The following CNTN4 variants were observed in gnomAD, a reference collection of about 807,000 sequenced individuals.
The protein encoded by CNTN4 is contactin 4.
Under a neutral mutation model 122.5 loss-of-function variants are expected in CNTN4, and 77 were observed. The ratio of observed to expected loss-of-function variants is 0.63; its 90% CI spans 0.52 to 0.76. CNTN4 has a LOEUF of 0.76. Among genes scored for constraint, CNTN4 ranks in the 30% least tolerant of loss-of-function variants. The probability of loss-of-function intolerance (pLI) is 0.00; values close to 1 mark genes in which losing one functional copy is unlikely to be tolerated. For missense variants in CNTN4, 1,256 were observed against 1,259.1 expected (o/e 1.00, Z 0.04); for synonymous variants, 512 against 447.0 (o/e 1.15, Z -1.83).
At chr3:2,226,612 C>CT (rs2039292968) in intron 2 of CNTN4, among the ~76,000 whole-genome samples, 2 of 152,048 alleles carry the variant, frequency 1.3e-5, no homozygotes, top group South Asian at 4.1e-4. Flanking sequence ...GCAAACAACC[C>CT]TTAGATTTCC....
At position 2,353,761 on chromosome 3, in the gene CNTN4, T is replaced by C. The variant is rs535089789; in HGVS notation, c.-89+14528T>C. ...ACACAAAAACAAAATTAGCCGGGTGTGGTGGCGGGCGCCTGTGGTCCCAGC... is the reference window on the plus strand; with the variant it reads ...ACACAAAAACAAAATTAGCCGGGTGCGGTGGCGGGCGCCTGTGGTCCCAGC... On this transcript the variant is annotated intron_variant, in intron 3 of 24. Transcript: ENST00000418658. Among the ~76,000 whole-genome samples, 70 of 152,230 alleles carry C rather than the reference T, an allele frequency of 4.6e-4. 1 individual carries two copies. Among genetic ancestry groups the C allele is most frequent in the Non-Finnish European group, 8.4e-4 (57 of 67,988 alleles).
At chr3:2,467,846 C>T (rs1278907693) in intron 3 of CNTN4, among the ~76,000 whole-genome samples, 1 of 152,128 alleles carries the variant, frequency 6.6e-6, no homozygotes, top group Non-Finnish European at 1.5e-5. Context: ...CCTGCTAATG[C>T]GAATTCCACC....
intron 17 of CNTN4, 98 bp downstream of exon 17, chr3:3,034,888 T>C: frequency 8.2e-7 from 1 of 1,222,344 alleles, no homozygotes; most frequent in Non-Finnish European, 1.2e-6. Context: ...CAGACACTAC[T>C]ACAAATGATA....
rs1185851358 is a variant in CNTN4, at chr3:2,120,374, A to AATATATATAT, written c.-145+19758_-145+19767dup. On this transcript the variant is annotated intron_variant, in intron 2 of 24. Transcript: ENST00000418658. ...GGTTATATATATATATATATATATAAATATATATATATATATATATATATA... is the reference window on the plus strand; with the variant it reads ...GGTTATATATATATATATATATATAAATATATATATATATATATATATATATATATATATA... 6.6e-4 allele frequency among the ~76,000 whole-genome samples: 39 copies of AATATATATAT among 59,052 alleles called. 1 individual carries two copies. Among genetic ancestry groups the AATATATATAT allele is most frequent in the East Asian group, 8.5e-4 (2 of 2,356 alleles). The allele number at this position is 59,052 out of a possible 152,430, so 38.7% of individuals were successfully genotyped here. A position where few individuals can be genotyped will look rare whatever the true frequency, so the allele number is the denominator to read the frequency against.
intron 7 of CNTN4, among the ~76,000 whole-genome samples, chr3:2,848,431 T>C (rs1337147601): frequency 6.6e-6 from 1 of 152,204 alleles, no homozygotes; most frequent in African/African-American, 2.4e-5. Context: ...TGAAAACACA[T>C]TTCCAGAAGT....
intron 6 of CNTN4, among the ~76,000 whole-genome samples, chr3:2,778,357 A>G (rs185586468): frequency 2.9e-5 from 1 of 35,028 alleles, no homozygotes; most frequent in Non-Finnish European, 1.2e-4. Context: ...AAATTACAGA[A>G]TAGTATTCCT....
rs529853870 is a variant in CNTN4 at position 2,447,796 on chromosome 3, G to T, written c.-89+108563G>T. On this transcript the variant is annotated intron_variant, in intron 3 of 24. Transcript: ENST00000418658. The stretch of plus-strand genomic sequence containing the variant: ...AGTGAATTAATTGAGTACTTCTTAT[G>T]TGTTGGGTTCTGTTAATAAGTACTT... Among the ~76,000 whole-genome samples the T allele has an allele frequency of 3.1e-4, 47 of 152,162 alleles. No individual in the cohort carries two copies. The South Asian group carries it at 9.7e-3, about 32-fold the overall frequency.
intron 10 of CNTN4, among the ~76,000 whole-genome samples, chr3:2,898,961 T>C (rs1391062672): frequency 1.3e-5 from 2 of 152,220 alleles, no homozygotes; most frequent in African/African-American, 4.8e-5. Context: ...GACTTGCAGC[T>C]CTTTTAAGGG....
At chr3:2,159,202 G>C (rs1183206400) in intron 2 of CNTN4, among the ~76,000 whole-genome samples, 1 of 152,108 alleles carries the variant, frequency 6.6e-6, no homozygotes, top group Non-Finnish European at 1.5e-5. Flanking sequence ...CTTTTGACCA[G>C]AATATTTTCA....
chr3:2,728,305 C>A (rs980339055), intron 4 of CNTN4, among the ~76,000 whole-genome samples: 1 of 152,102 alleles, frequency 6.6e-6, no homozygotes, highest in African/African-American at 2.4e-5. Context: ...AGTTTTTTAG[C>A]CAAAATGCAT....
At chr3:2,804,737 C>CTTTATTTTTTTTTTTTTTT (rs1553643947) in intron 6 of CNTN4, among the ~76,000 whole-genome samples, 3 of 144,878 alleles carry the variant, frequency 2.1e-5, no homozygotes, top group Non-Finnish European at 4.5e-5. Context: ...ATTTTGAGCA[C>CTTTATTTTTTTTTTTTTTT]TTTTTTTTTG....
intron 4 of CNTN4, among the ~76,000 whole-genome samples, chr3:2,656,240 C>T (rs1187674643): frequency 6.6e-6 from 1 of 152,038 alleles, no homozygotes; most frequent in Admixed American, 6.6e-5. Flanking sequence ...ATAATATTTC[C>T]AAGAGAGAAA....
intron 4 of CNTN4, among the ~76,000 whole-genome samples, chr3:2,603,066 T>C (rs1222666275): frequency 6.6e-6 from 1 of 152,176 alleles, no homozygotes; most frequent in East Asian, 1.9e-4. Context: ...AGATATATTT[T>C]GAAATTGTTG....
At chr3:2,923,933 TTA>T (rs2094450852) in intron 12 of CNTN4, among the ~76,000 whole-genome samples, 1 of 152,174 alleles carries the variant, frequency 6.6e-6, no homozygotes, top group South Asian at 2.1e-4. Context: ...AGAAATGCGT[TTA>T]TCTCATTAAA....
intron 4 of CNTN4, among the ~76,000 whole-genome samples, chr3:2,654,109 A>G (rs1409969246): frequency 1.3e-5 from 2 of 152,202 alleles, no homozygotes; most frequent in Admixed American, 6.5e-5. Flanking sequence ...TTTGAAAGCA[A>G]TTGCTGTGTT....
intron 6 of CNTN4, 138 bp from the exon 7 acceptor site, chr3:2,819,348 G>A: frequency 1.4e-6 from 1 of 694,690 alleles, no homozygotes; most frequent in South Asian, 1.6e-5. Context: ...ATGAAAAGAA[G>A]CTCTCCTGAA....
At chr3:2,715,027 T>C (rs990006521) in intron 4 of CNTN4, among the ~76,000 whole-genome samples, 1 of 152,230 alleles carries the variant, frequency 6.6e-6, no homozygotes, top group Non-Finnish European at 1.5e-5. Flanking sequence ...TCAACAGCAT[T>C]TGGCAGCTTT....
intron 2 of CNTN4, among the ~76,000 whole-genome samples, chr3:2,314,517 A>G (rs1334753102): frequency 6.6e-6 from 1 of 151,894 alleles, no homozygotes; most frequent in Non-Finnish European, 1.5e-5. Context: ...AATAGGTGAA[A>G]GGGTAGGGCA....
chr3:2,241,995 G>A (rs191934009), intron 2 of CNTN4, among the ~76,000 whole-genome samples: 1 of 152,054 alleles, frequency 6.6e-6, no homozygotes, highest in Admixed American at 6.6e-5. Context: ...TAAATGTTGA[G>A]GAATACGAGA....
Sources: gnomAD v4.1 joint callset for allele counts (sites outside exome capture counted in the v4.1 genomes callset) on GRCh38, gnomAD v4.1.1 for gene constraint, MANE v1.5 for transcripts, NCBI Gene and HGNC (gene_info 2026-07-23, HGNC 2026-07-21) for gene names.